THEMIS: variants seen among roughly 807,000 people sequenced by gnomAD.
The protein encoded by THEMIS is protein THEMIS.
Under a neutral mutation model 52.6 loss-of-function variants are expected in THEMIS, and 37 were observed. The ratio of observed to expected loss-of-function variants is 0.70; its 90% CI spans 0.54 to 0.93. The LOEUF (loss-of-function observed/expected upper bound fraction) is 0.93, where lower values mean the gene tolerates loss of function less well. THEMIS is among the 40% of genes least tolerant of loss of function. THEMIS has a pLI of 0.00. For missense variants in THEMIS, 808 were observed against 763.1 expected (o/e 1.06, Z -0.69); for synonymous variants, 292 against 272.7 (o/e 1.07, Z -0.70).
At chr6:127,882,912 A>G (rs1780530103) in intron 1 of THEMIS, among the ~76,000 whole-genome samples, 1 of 151,934 alleles carries the variant, frequency 6.6e-6, no homozygotes, top group Non-Finnish European at 1.5e-5. Context: ...ATGGGCATTA[A>G]AGTAGGCATG....
At chr6:127,866,623 A>G (rs776273734) in intron 1 of THEMIS, among the ~76,000 whole-genome samples, 1 of 152,018 alleles carries the variant, frequency 6.6e-6, no homozygotes, top group African/African-American at 2.4e-5. Flanking sequence ...TTTGAAACCA[A>G]TGCATAAAGT....
chr6:127,757,628 G>T (rs959401677), intron 4 of THEMIS, among the ~76,000 whole-genome samples: 2 of 151,948 alleles, frequency 1.3e-5, no homozygotes, highest in Admixed American at 1.3e-4. Flanking sequence ...GACTACAGGC[G>T]CCCGCCACCA....
chr6:127,797,693 G>A lies in THEMIS; in HGVS notation c.1758+15190C>T, dbSNP rs568818806. Among the ~76,000 whole-genome samples, 33 of 152,276 alleles carry A rather than the reference G, an allele frequency of 2.2e-4. 1 individual carries two copies. Among genetic ancestry groups the A allele is most frequent in the South Asian group, 4.1e-4 (2 of 4,830 alleles). On this transcript the variant is annotated intron_variant, in intron 4 of 5. Coordinates refer to ENST00000368248, the MANE Select transcript of THEMIS (RefSeq NM_001010923.3). Reference sequence around the variant, plus strand: ...CCAACATCTCTTACCCATAATGCCAGGGACTAAAAATTCACAGGATATGGT... The same window carrying A: ...CCAACATCTCTTACCCATAATGCCAAGGACTAAAAATTCACAGGATATGGT...
chr6:127,781,409 A>T (rs1776739443), intron 4 of THEMIS, among the ~76,000 whole-genome samples: 1 of 151,980 alleles, frequency 6.6e-6, no homozygotes, highest in African/African-American at 2.4e-5. Flanking sequence ...CGTCAAACTC[A>T]TTCTCCATCC....
intron 4 of THEMIS, among the ~76,000 whole-genome samples, chr6:127,762,516 T>C (rs951779043): frequency 1.3e-5 from 2 of 152,056 alleles, no homozygotes; most frequent in Non-Finnish European, 2.9e-5. Flanking sequence ...CTCTGCCAGC[T>C]CTCAGATAAA....
intron 4 of THEMIS, among the ~76,000 whole-genome samples, chr6:127,795,182 A>G (rs1777285358): frequency 6.6e-6 from 1 of 152,236 alleles, no homozygotes; most frequent in South Asian, 2.1e-4. Context: ...TTAGAAACAT[A>G]CACATGGCTT....
In THEMIS at chr6:127,739,688, T is replaced by C. The variant is rs915554550; in HGVS notation, c.1759-19865A>G. On this transcript the variant is annotated intron_variant, in intron 4 of 5. Coordinates refer to ENST00000368248, the MANE Select transcript of THEMIS (RefSeq NM_001010923.3). The stretch of plus-strand genomic sequence containing the variant: ...GAAAGAAATTATTTCCAGCTGCCTT[T>C]GAGGGCTCAGAATAAATGAAGAACC... Among the ~76,000 whole-genome samples, 4 of 152,070 alleles carry C rather than the reference T, an allele frequency of 2.6e-5. No homozygotes were observed. The East Asian group carries it at 7.7e-4, about 29-fold the overall frequency.
intron 4 of THEMIS, among the ~76,000 whole-genome samples, chr6:127,747,286 A>G (rs985070691): frequency 4.3e-5 from 6 of 140,254 alleles, no homozygotes; most frequent in Admixed American, 1.5e-4. Flanking sequence ...ACATATAGAG[A>G]TATCTATCTG....
At chr6:127,912,074 A>G (rs569325144) in intron 1 of THEMIS, among the ~76,000 whole-genome samples, 2 of 152,330 alleles carry the variant, frequency 1.3e-5, no homozygotes, top group South Asian at 4.1e-4. Flanking sequence ...GTCATGGGGC[A>G]GAACTACCCA....
chr6:127,861,805 AG>A (rs1779810541), intron 1 of THEMIS, among the ~76,000 whole-genome samples: 1 of 82,518 alleles, frequency 1.2e-5, no homozygotes, highest in African/African-American at 4.2e-5. Flanking sequence ...AAAAAAAAAA[AG>A]AAAAGAAAGA....
intron 3 of THEMIS, among the ~76,000 whole-genome samples, chr6:127,819,470 A>G (rs1583314057): frequency 2.0e-5 from 3 of 152,152 alleles, no homozygotes; most frequent in Admixed American, 1.3e-4. Context: ...AATACCAAAA[A>G]AAATCTATAT....
rs376147650 is a variant in THEMIS, at chr6:127,800,921, A to G, written c.1758+11962T>C. On this transcript the variant is annotated intron_variant, in intron 4 of 5. Coordinates refer to ENST00000368248, the MANE Select transcript of THEMIS (RefSeq NM_001010923.3). ...CCCTGTAGAGAACCCTGACTAATAT[A>G]GATTTTGGTAACAGGAGTGGTTCTA... Among the ~76,000 whole-genome samples the G allele has an allele frequency of 3.0e-4, 46 of 152,270 alleles. No individual in the cohort carries two copies. In the South Asian group the frequency reaches 9.3e-3, roughly 31 times the overall value.
At chr6:127,816,253 T>C (rs1778129821) in intron 3 of THEMIS, among the ~76,000 whole-genome samples, 1 of 151,526 alleles carries the variant, frequency 6.6e-6, no homozygotes, top group Non-Finnish European at 1.5e-5. Context: ...TTTTAGGGTG[T>C]CTTGGTTCTC....
At chr6:127,738,673 G>A (rs1404560791) in intron 4 of THEMIS, among the ~76,000 whole-genome samples, 1 of 152,112 alleles carries the variant, frequency 6.6e-6, no homozygotes, top group African/African-American at 2.4e-5. Context: ...TGTCTGGCTA[G>A]ATGGTGTGCT....
chr6:127,850,698 G>A (rs1242105742), intron 2 of THEMIS, among the ~76,000 whole-genome samples: 1 of 151,578 alleles, frequency 6.6e-6, no homozygotes, highest in Non-Finnish European at 1.5e-5. Flanking sequence ...GGACACAAAG[G>A]CATAAGAGTG....
At chr6:127,698,536 G>A in the THEMIS span, among the ~76,000 whole-genome samples, 33 of 152,012 alleles carry the variant, frequency 2.2e-4, 2 homozygotes, top group East Asian at 4.6e-3. Flanking sequence ...ACTCTTTCTG[G>A]CTGAAAAAAC....
At chr6:127,886,148 C>A (rs1353799205) in intron 1 of THEMIS, among the ~76,000 whole-genome samples, 1 of 152,146 alleles carries the variant, frequency 6.6e-6, no homozygotes, top group African/African-American at 2.4e-5. Context: ...ACTTGAAACA[C>A]CATTCACCCA....
chr6:127,813,923 C>A lies in THEMIS; in HGVS notation c.718G>T (p.Asp240Tyr), dbSNP rs759019554. 3.2e-6 allele frequency: 5 copies of A among 1,539,026 alleles called. No individual in the cohort carries two copies. The African/African-American group carries it at 4.2e-5, about 13-fold the overall frequency. ...EIQGVMKFRK[D>Y]IIRILPSLDV... The stretch of plus-strand genomic sequence containing the variant: ...AGACTGGGGAGGATGCGGATTATAT[C>A]TTTTCGAACTAAAAAGAAAAAATAA... Residue 240 changes from aspartate (D) to tyrosine (Y), a missense_variant, in exon 4 of 6, where the codon GAT becomes TAT. Asp to Tyr is a radical substitution (Grantham distance 160). Transcript: ENST00000368248.
intron 1 of THEMIS, among the ~76,000 whole-genome samples, chr6:127,869,751 A>G (rs1244591964): frequency 6.6e-6 from 1 of 152,196 alleles, no homozygotes; most frequent in South Asian, 2.1e-4. Context: ...AAAACCCTCA[A>G]CAAAAGCCTG....
Sources: allele counts gnomAD v4.1 joint callset (sites outside exome capture counted in the v4.1 genomes callset), GRCh38; gene constraint gnomAD v4.1.1; transcripts MANE v1.5; gene names NCBI Gene and HGNC (gene_info 2026-07-23, HGNC 2026-07-21).